The following SGCG variants were observed in gnomAD, a reference collection of about 807,000 sequenced individuals.
SGCG encodes gamma-sarcoglycan.
Under a neutral mutation model 29.3 loss-of-function variants are expected in SGCG, and 26 were observed. The ratio of observed to expected loss-of-function variants is 0.89; its 90% CI spans 0.65 to 1.23. The LOEUF is 1.23. Among genes scored for constraint, SGCG ranks in the 50% most tolerant of loss-of-function variants. SGCG has a pLI of 0.00. For missense variants in SGCG, 353 were observed against 356.0 expected (o/e 0.99, Z 0.07); for synonymous variants, 145 against 129.7 (o/e 1.12, Z -0.80).
At chr13:23,212,306 C>G (rs1878255841) in intron 2 of SGCG, among the ~76,000 whole-genome samples, 1 of 152,150 alleles carries the variant, frequency 6.6e-6, no homozygotes, top group African/African-American at 2.4e-5. Context: ...CTGAGGTTAT[C>G]TTGATCACCT....
intron 4 of SGCG, among the ~76,000 whole-genome samples, chr13:23,255,423 G>T (rs1286761773): frequency 6.6e-6 from 1 of 152,318 alleles, no homozygotes; most frequent in East Asian, 1.9e-4. Context: ...TAGGACGTTG[G>T]ACTTCATGCT....
rs536891396 is a variant in SGCG at position 23,270,116 on chromosome 13, C to T, written c.386-9243C>T. Among the ~76,000 whole-genome samples, 542 of 152,210 alleles carry T rather than the reference C, an allele frequency of 3.6e-3. 1 individual carries two copies. The highest frequency in any genetic ancestry group is 0.012 in the African/African-American group (517 of 41,548). On this transcript the variant is annotated intron_variant, in intron 4 of 7. Transcript: ENST00000218867. ...GTCTCCATCTCTTGACCTCGTGATC[C>T]ACCCGCCTCGGCCTCCCAAAGTGCT...
At chr13:23,302,269 A>G (rs1261332878) in intron 6 of SGCG, among the ~76,000 whole-genome samples, 1 of 151,292 alleles carries the variant, frequency 6.6e-6, no homozygotes, top group Non-Finnish European at 1.5e-5. Flanking sequence ...ATATTTATAT[A>G]ATTATATATA....
At chr13:23,274,651 T>C (rs1881002359) in intron 4 of SGCG, among the ~76,000 whole-genome samples, 3 of 152,272 alleles carry the variant, frequency 2.0e-5, no homozygotes, top group Admixed American at 1.3e-4. Context: ...CTCGATCTCC[T>C]GACCTCGTGA....
intron 4 of SGCG, among the ~76,000 whole-genome samples, chr13:23,254,665 A>G (rs1450785851): frequency 6.6e-6 from 1 of 152,208 alleles, no homozygotes; most frequent in East Asian, 1.9e-4. Flanking sequence ...GCCAAGTGCT[A>G]ATATCCAAGA....
chr13:23,245,997 C>G (rs1879696023), intron 3 of SGCG: 1 of 152,666 alleles, frequency 6.6e-6, no homozygotes, highest in African/African-American at 2.4e-5. Context: ...ACTACACCAG[C>G]TCTTGGTTCA....
intron 1 of SGCG, among the ~76,000 whole-genome samples, chr13:23,200,188 C>G (rs1346073933): frequency 6.6e-6 from 1 of 152,068 alleles, no homozygotes. Flanking sequence ...TTTGGGAGGC[C>G]GAAGCGAGTG....
chr13:23,182,295 C>G (rs1341388277), intron 1 of SGCG, among the ~76,000 whole-genome samples: 1 of 152,198 alleles, frequency 6.6e-6, no homozygotes, highest in Non-Finnish European at 1.5e-5. Context: ...TCTCCCTCCA[C>G]TCCCTAATCT....
intron 4 of SGCG, among the ~76,000 whole-genome samples, chr13:23,256,871 T>TA (rs751130755): frequency 6.6e-6 from 1 of 152,210 alleles, no homozygotes; most frequent in Non-Finnish European, 1.5e-5. Flanking sequence ...TAGCATGACT[T>TA]ACAATCTTTT....
rs555899748 is a variant in SGCG, at chr13:23,196,023, C to G, written c.1-7672C>G. Among the ~76,000 whole-genome samples the G allele has an allele frequency of 3.3e-5, 5 of 151,750 alleles. No individual in the cohort carries two copies. The South Asian group carries it at 1.0e-3, about 32-fold the overall frequency. On this transcript the variant is annotated intron_variant, in intron 1 of 7. Transcript: ENST00000218867. The stretch of plus-strand genomic sequence containing the variant: ...GAAATTATTAATAATTTTTTAGTTT[C>G]CTTACAGTATTTTTCCTATGAGTAT...
rs1271303041 is a variant in SGCG, at chr13:23,304,755, C to T, written c.578+9268C>T. On this transcript the variant is annotated intron_variant, in intron 6 of 7. Coordinates refer to ENST00000218867, the MANE Select transcript of SGCG (RefSeq NM_000231.3). ...AGTAGCTGGTATTACAGGAGCCTGC[C>T]ATCATGCATGGCTAATTTTTGTATT... Among the ~76,000 whole-genome samples the T allele has an allele frequency of 3.3e-5, 5 of 152,132 alleles. No individual in the cohort carries two copies. In the East Asian group the frequency reaches 7.7e-4, roughly 23 times the overall value.
At chr13:23,176,987 G>A (rs1050602557), upstream of SGCG, among the ~76,000 whole-genome samples, 6 of 152,144 alleles carry the variant, frequency 3.9e-5, no homozygotes, top group Non-Finnish European at 5.9e-5. Context: ...TTTAACAGTA[G>A]ATGAATGAAT....
At chr13:23,160,784 C>T in the SGCG span, among the ~76,000 whole-genome samples, 3 of 152,188 alleles carry the variant, frequency 2.0e-5, no homozygotes, top group Admixed American at 2.0e-4. Context: ...CCTCCTAGGA[C>T]TCCATCACCA....
intron 2 of SGCG, among the ~76,000 whole-genome samples, chr13:23,219,743 C>G (rs916229825): frequency 1.2e-4 from 11 of 91,044 alleles, no homozygotes; most frequent in African/African-American, 3.8e-4. Context: ...TAAACATACA[C>G]AATTATTATT....
chr13:23,298,541 A>G (rs866944213), intron 6 of SGCG, among the ~76,000 whole-genome samples: 15 of 152,330 alleles, frequency 9.8e-5, no homozygotes, highest in African/African-American at 3.4e-4. Context: ...GATTGTGACT[A>G]TAATTAAATT....
At chr13:23,290,826 C>A (rs1881677831) in intron 5 of SGCG, among the ~76,000 whole-genome samples, 1 of 152,148 alleles carries the variant, frequency 6.6e-6, no homozygotes, top group South Asian at 2.1e-4. Context: ...ATATTGAATT[C>A]AATGTATTTC....
intron 6 of SGCG, among the ~76,000 whole-genome samples, chr13:23,318,229 T>C (rs1409544555): frequency 6.6e-6 from 1 of 152,180 alleles, no homozygotes; most frequent in Non-Finnish European, 1.5e-5. Flanking sequence ...CTACTAGTTA[T>C]ATCCTACTAG....
At chr13:23,262,363 T>A (rs1247834436) in intron 4 of SGCG, among the ~76,000 whole-genome samples, 1 of 151,906 alleles carries the variant, frequency 6.6e-6, no homozygotes, top group Non-Finnish European at 1.5e-5. Context: ...TATTCTTACA[T>A]CAAATAAAAC....
intron 6 of SGCG, among the ~76,000 whole-genome samples, chr13:23,300,881 C>T (rs1012753106): frequency 3.0e-4 from 46 of 150,918 alleles, no homozygotes; most frequent in African/African-American, 1.1e-3. Flanking sequence ...TTTGGGAGGC[C>T]GAGGCGGGCA....
Sources: gnomAD v4.1 joint callset for allele counts (sites outside exome capture counted in the v4.1 genomes callset) on GRCh38, gnomAD v4.1.1 for gene constraint, MANE v1.5 for transcripts, NCBI Gene and HGNC (gene_info 2026-07-23, HGNC 2026-07-21) for gene names.